PCDHGA8: variants seen among roughly 807,000 people sequenced by gnomAD.
PCDHGA8 encodes protocadherin gamma subfamily A, 8.
In PCDHGA8, 45 loss-of-function variants were observed where a neutral mutation model predicts 59.2. That is an observed-to-expected ratio of 0.76 (90% CI 0.60 to 0.98). The LOEUF is 0.98. Among genes scored for constraint, PCDHGA8 ranks in the 50% least tolerant of loss-of-function variants. PCDHGA8 has a pLI of 0.00. For synonymous variants in PCDHGA8, 531 were observed against 519.0 expected, an observed-to-expected ratio of 1.02 and a Z score of -0.32; for missense variants, 1,257 against 1,196.2, an observed-to-expected ratio of 1.05 and a Z score of -0.75.
intron 1 of PCDHGA8, among the ~76,000 whole-genome samples, chr5:141,482,811 C>T (rs1397161943): frequency 2.0e-5 from 3 of 152,164 alleles, no homozygotes; most frequent in Non-Finnish European, 4.4e-5. Context: ...GTGGCTCATG[C>T]CTGTAATCCT....
chr5:141,421,064 G>A (rs2096543646), intron 1 of PCDHGA8: 2 of 593,294 alleles, frequency 3.4e-6, no homozygotes, highest in Non-Finnish European at 5.7e-6. Context: ...ACACAAAGCG[G>A]AATGAGATGG....
chr5:141,415,284 G>T (rs186109113), intron 1 of PCDHGA8: 1 of 1,614,198 alleles, frequency 6.2e-7, no homozygotes, highest in East Asian at 2.2e-5. Context: ...CGGTGGCCGC[G>T]GTCTCCTGCG....
intron 1 of PCDHGA8, chr5:141,408,778 A>G (rs1261786266): frequency 6.2e-7 from 1 of 1,612,198 alleles, no homozygotes; most frequent in Non-Finnish European, 8.5e-7. Flanking sequence ...GCAAATACCC[A>G]GAGTTATCTC....
intron 1 of PCDHGA8, chr5:141,404,037 A>T: frequency 6.2e-7 from 1 of 1,613,888 alleles, no homozygotes; most frequent in East Asian, 2.2e-5. Context: ...GACGCACCTC[A>T]GGGAACAGTA....
Position 141,408,693 on chromosome 5 carries a change from TAAACTC to T in PCDHGA8, c.2424+13459_2424+13464del, listed in dbSNP as rs1561714743. 1.9e-6 allele frequency: 3 copies of T among 1,613,768 alleles called. No homozygotes were observed. In the African/African-American group the frequency reaches 4.0e-5, roughly 22 times the overall value. On this transcript the variant is annotated intron_variant, in intron 1 of 3. Coordinates refer to ENST00000398604, the MANE Select transcript of PCDHGA8 (RefSeq NM_032088.2). The stretch of plus-strand genomic sequence containing the variant: ...CCTGCCACGGATCCTGATATAAACA[TAAACTC>T]AATTAAAGATTATAAGATAAACTCT...
Position 141,486,046 on chromosome 5 carries a change from C to G in PCDHGA8, c.2425-8761C>G. 1.2e-6 allele frequency: 2 copies of G among 1,614,170 alleles called. No individual in the cohort carries two copies. Among genetic ancestry groups the G allele is most frequent in the Non-Finnish European group, 1.7e-6 (2 of 1,180,036 alleles). The stretch of plus-strand genomic sequence containing the variant: ...GTCATACCCCTGATCGTGTAAGAAA[C>G]CTCTTTAGCCTGCACCCCACTACTG... On this transcript the variant is annotated intron_variant, in intron 1 of 3. Coordinates refer to ENST00000398604, the MANE Select transcript of PCDHGA8 (RefSeq NM_032088.2). This position sits in a 1 kb window ranked among gnomAD's most constrained non-coding sequence, Gnocchi z 5.0.
At chr5:141,501,238 G>A (rs1482962385) in intron 2 of PCDHGA8, among the ~76,000 whole-genome samples, 2 of 151,018 alleles carry the variant, frequency 1.3e-5, no homozygotes, top group African/African-American at 4.9e-5. Flanking sequence ...AGTTTTTTGA[G>A]CATGATGTAG....
At chr5:141,399,621 C>G (rs757586675) in intron 1 of PCDHGA8, 1 of 1,613,948 alleles carries the variant, frequency 6.2e-7, no homozygotes. Context: ...TGGCACTGGC[C>G]TCTTACGTGT....
intron 2 of PCDHGA8, among the ~76,000 whole-genome samples, chr5:141,503,797 G>A (rs2099831309): frequency 6.6e-6 from 1 of 152,006 alleles, no homozygotes; most frequent in South Asian, 2.1e-4. Context: ...ATCTACTTAG[G>A]GACGGGGAAT....
chr5:141,423,943 G>GA, intron 1 of PCDHGA8: 1 of 1,211,382 alleles, frequency 8.3e-7, no homozygotes, highest in Non-Finnish European at 1.0e-6. Flanking sequence ...GAAGTAAGTT[G>GA]AATTTTAGTA....
rs1225265096 is a variant in PCDHGA8 at position 141,490,666 on chromosome 5, G to A, written c.2425-4141G>A. Reference sequence around the variant, plus strand: ...GCCTCCGGGCTCCCTTCTTTGCACTGTGGCTGCCTCAGATCCAGACACTGG... The same window carrying A: ...GCCTCCGGGCTCCCTTCTTTGCACTATGGCTGCCTCAGATCCAGACACTGG... On this transcript the variant is annotated intron_variant, in intron 1 of 3. Coordinates refer to ENST00000398604, the MANE Select transcript of PCDHGA8 (RefSeq NM_032088.2). The surrounding 1 kb of genome is among the most constrained non-coding windows in gnomAD (Gnocchi z 5.4). The A allele has an allele frequency of 1.2e-6, 2 of 1,614,134 alleles. No homozygotes were observed. The highest frequency in any genetic ancestry group is 3.3e-5 in the Admixed American group (2 of 60,026).
chr5:141,505,298 T>C, intron 2 of PCDHGA8, 95 bp from the exon 3 acceptor site: 1 of 1,586,334 alleles, frequency 6.3e-7, no homozygotes, highest in Non-Finnish European at 8.6e-7. Flanking sequence ...GGGGTAGGGT[T>C]AGGGTACTAG....
In PCDHGA8 at chr5:141,432,285, C is replaced by A; in HGVS notation, c.2424+37048C>A. On this transcript the variant is annotated intron_variant, in intron 1 of 3. Transcript: ENST00000398604. The surrounding 1 kb of genome is among the most constrained non-coding windows in gnomAD (Gnocchi z 6.0). ...CTATCGTCCTACGTGTCCATCAACTCCGACACTGGGGTACTGTATGCGCTG... is the reference window on the plus strand; with the variant it reads ...CTATCGTCCTACGTGTCCATCAACTACGACACTGGGGTACTGTATGCGCTG... The A allele has an allele frequency of 6.2e-7, 1 of 1,614,262 alleles. No homozygotes were observed. The highest frequency in any genetic ancestry group is 8.5e-7 in the Non-Finnish European group (1 of 1,180,052).
rs769074023 is a variant in PCDHGA8 at position 141,491,738 on chromosome 5, G to T, written c.2425-3069G>T. On this transcript the variant is annotated intron_variant, in intron 1 of 3. Transcript: ENST00000398604. The surrounding 1 kb of genome is among the most constrained non-coding windows in gnomAD (Gnocchi z 6.9). The stretch of plus-strand genomic sequence containing the variant: ...GCGCCGCCCCGGGCGACCCCTGGGG[G>T]CGGCACTGGAGAAGCCGCCCGTCCT... 38 of 1,600,228 alleles carry T rather than the reference G, an allele frequency of 2.4e-5. No homozygotes were observed. The highest frequency in any genetic ancestry group is 3.1e-5 in the Non-Finnish European group (36 of 1,174,204).
rs1562059777 is a variant in PCDHGA8, at chr5:141,477,098, G to C, written c.2425-17709G>C. 6.2e-7 allele frequency: 1 copy of C among 1,614,242 alleles called. No individual in the cohort carries two copies. Among genetic ancestry groups the C allele is most frequent in the Non-Finnish European group, 8.5e-7 (1 of 1,180,046 alleles). ...GATTTACATCCAGGCCAAAGACAAG[G>C]GCGCCAATCCCGAAGGAGCACATTG... On this transcript the variant is annotated intron_variant, in intron 1 of 3. Transcript: ENST00000398604. This position sits in a 1 kb window ranked among gnomAD's most constrained non-coding sequence, Gnocchi z 4.9.
At chr5:141,466,077 A>G (rs1220036084) in intron 1 of PCDHGA8, among the ~76,000 whole-genome samples, 2 of 152,108 alleles carry the variant, frequency 1.3e-5, no homozygotes, top group Non-Finnish European at 2.9e-5. Context: ...AGCTGATATC[A>G]TGCCACTGCA....
In PCDHGA8 at chr5:141,477,533, G is replaced by C. The variant is rs780541121; in HGVS notation, c.2425-17274G>C. On this transcript the variant is annotated intron_variant, in intron 1 of 3. Transcript: ENST00000398604. This position sits in a 1 kb window ranked among gnomAD's most constrained non-coding sequence, Gnocchi z 4.9. ...TTACATTGAAGAAAACAACCTCCCC[G>C]GGGCTCCAATACTAAACCTAAGTGT... The C allele has an allele frequency of 6.2e-7, 1 of 1,613,892 alleles. No individual in the cohort carries two copies. The highest frequency in any genetic ancestry group is 1.3e-5 in the African/African-American group (1 of 74,852).
chr5:141,487,622 C>T lies in PCDHGA8; in HGVS notation c.2425-7185C>T. Reference sequence around the variant, plus strand: ...TCTTCTCTATGGGCTAGAGGTGAGACCTTTGCAGGCTCAACAAATGCTTGA... The same window carrying T: ...TCTTCTCTATGGGCTAGAGGTGAGATCTTTGCAGGCTCAACAAATGCTTGA... On this transcript the variant is annotated intron_variant, in intron 1 of 3. Coordinates refer to ENST00000398604, the MANE Select transcript of PCDHGA8 (RefSeq NM_032088.2). This position sits in a 1 kb window ranked among gnomAD's most constrained non-coding sequence, Gnocchi z 5.0. 1.2e-6 allele frequency: 2 copies of T among 1,614,174 alleles called. No homozygotes were observed. Among genetic ancestry groups the T allele is most frequent in the South Asian group, 1.1e-5 (1 of 91,084 alleles).
At chr5:141,461,830 CTT>C (rs1030113508) in intron 1 of PCDHGA8, among the ~76,000 whole-genome samples, 1 of 145,180 alleles carries the variant, frequency 6.9e-6, no homozygotes, top group Non-Finnish European at 1.5e-5. Context: ...ATTTTTTTTT[CTT>C]TTTTTTTTGA....
Sources: gnomAD v4.1 joint callset for allele counts (sites outside exome capture counted in the v4.1 genomes callset) on GRCh38, gnomAD v4.1.1 for gene constraint, Gnocchi (gnomAD v3.1) non-coding constraint, MANE v1.5 for transcripts, NCBI Gene and HGNC (gene_info 2026-07-23, HGNC 2026-07-21) for gene names.